ZC3H12B: variants seen among roughly 807,000 people sequenced by gnomAD.
ZC3H12B encodes zinc finger CCCH-type containing 12B.
In ZC3H12B, 7 loss-of-function variants were observed where a neutral mutation model predicts 43.9. The ratio of observed to expected loss-of-function variants is 0.16; its 90% CI spans 0.09 to 0.30. ZC3H12B has a LOEUF of 0.30. ZC3H12B is among the 10% of genes least tolerant of loss of function. The probability of loss-of-function intolerance (pLI) is 1.00; values close to 1 mark genes in which losing one functional copy is unlikely to be tolerated. For missense variants in ZC3H12B, 475 were observed against 670.2 expected, an observed-to-expected ratio of 0.71 and a Z score of 3.22; for synonymous variants, 222 against 241.7, an observed-to-expected ratio of 0.92 and a Z score of 0.76.
At chrX:65,244,756 A>G in the ZC3H12B span, among the ~76,000 whole-genome samples, 1 of 107,344 alleles carries the variant, frequency 9.3e-6, no homozygotes, top group Non-Finnish European at 1.9e-5. Context: ...AAAAAAGAAA[A>G]CGCAAATTGT....
chrX:65,374,642 T>A (rs895629912), intron 2 of ZC3H12B, among the ~76,000 whole-genome samples: 1 of 110,511 alleles, frequency 9.0e-6, no homozygotes, highest in Admixed American at 9.8e-5. Context: ...AAATAGGCAC[T>A]GTATTAGTCC....
the ZC3H12B span, among the ~76,000 whole-genome samples, chrX:65,160,259 G>A: frequency 8.9e-6 from 1 of 111,802 alleles, no homozygotes. Context: ...TTTGGTATCA[G>A]GATGATGCTG....
At chrX:65,049,606 A>T in the ZC3H12B span, among the ~76,000 whole-genome samples, 1 of 111,274 alleles carries the variant, frequency 9.0e-6, no homozygotes, top group Non-Finnish European at 1.9e-5. Context: ...TTGGAGTGTG[A>T]GGTCTCCAAC....
intron 2 of ZC3H12B, among the ~76,000 whole-genome samples, chrX:65,387,074 T>C (rs1173263042): frequency 8.9e-6 from 1 of 111,881 alleles, no homozygotes; most frequent in Non-Finnish European, 1.9e-5. Context: ...AACTATGTGG[T>C]CAATTTTGGA....
the ZC3H12B span, among the ~76,000 whole-genome samples, chrX:65,105,288 C>G: frequency 1.0e-4 from 11 of 110,488 alleles, no homozygotes; most frequent in Non-Finnish European, 1.5e-4. Flanking sequence ...GGCATTAGGA[C>G]AAATATCTAG....
At chrX:65,055,369 T>C in the ZC3H12B span, among the ~76,000 whole-genome samples, 1 of 112,088 alleles carries the variant, frequency 8.9e-6, no homozygotes, top group African/African-American at 3.2e-5. Context: ...ATTGGTTCTG[T>C]TTATATGCTG....
the ZC3H12B span, among the ~76,000 whole-genome samples, chrX:65,087,916 T>A: frequency 5.3e-5 from 6 of 112,467 alleles, no homozygotes; most frequent in South Asian, 2.2e-3. Context: ...TCAGTAATTT[T>A]TAAAAGCTGA....
the ZC3H12B span, among the ~76,000 whole-genome samples, chrX:65,170,844 C>T: frequency 2.7e-5 from 3 of 112,131 alleles, no homozygotes; most frequent in African/African-American, 9.7e-5. Flanking sequence ...GAAGCTTGTG[C>T]ATGCGTCACC....
At chrX:65,161,648 ATGTGTGTCTC>A in the ZC3H12B span, among the ~76,000 whole-genome samples, 1 of 111,234 alleles carries the variant, frequency 9.0e-6, no homozygotes, top group East Asian at 2.8e-4. Flanking sequence ...TTTTGAGTCT[ATGTGTGTCTC>A]TGTAAGTGAG....
the ZC3H12B span, among the ~76,000 whole-genome samples, chrX:65,172,703 T>G: frequency 8.9e-6 from 1 of 112,339 alleles, no homozygotes; most frequent in African/African-American, 3.2e-5. Context: ...ATTGTTTGTT[T>G]CTGTCAGGTT....
the ZC3H12B span, among the ~76,000 whole-genome samples, chrX:65,312,206 C>T: frequency 9.0e-6 from 1 of 111,360 alleles, no homozygotes; most frequent in Non-Finnish European, 1.9e-5. Flanking sequence ...GAAGAACAAC[C>T]AATATAGTAG....
the ZC3H12B span, among the ~76,000 whole-genome samples, chrX:65,170,326 G>C: frequency 9.0e-6 from 1 of 111,694 alleles, no homozygotes; most frequent in East Asian, 2.8e-4. Flanking sequence ...ATTCTGGGTT[G>C]AAAATTATTT....
chrX:65,162,993 C>A, the ZC3H12B span, among the ~76,000 whole-genome samples: 3 of 112,205 alleles, frequency 2.7e-5, no homozygotes. Context: ...ACAGACAAGA[C>A]CTTCAGCTGC....
At chrX:65,247,664 A>G in the ZC3H12B span, among the ~76,000 whole-genome samples, 1 of 112,337 alleles carries the variant, frequency 8.9e-6, no homozygotes, top group African/African-American at 3.2e-5. Context: ...GCATGTTCTC[A>G]CTTATAAGTG....
the ZC3H12B span, among the ~76,000 whole-genome samples, chrX:65,110,390 CT>C: frequency 0.015 from 1,416 of 96,056 alleles, 21 homozygotes; most frequent in African/African-American, 0.043. Context: ...TTTTCTTCTG[CT>C]TTTTTTTTTT....
At chrX:65,360,457 G>A in the ZC3H12B span, among the ~76,000 whole-genome samples, 4 of 112,229 alleles carry the variant, frequency 3.6e-5, no homozygotes, top group Non-Finnish European at 7.5e-5. Context: ...AAGAAGCTCA[G>A]TATCATTAGC....
intron 2 of ZC3H12B, among the ~76,000 whole-genome samples, chrX:65,382,956 A>G (rs2148012457): frequency 9.0e-6 from 1 of 111,103 alleles, no homozygotes; most frequent in Non-Finnish European, 1.9e-5. Context: ...ATAAAAGAGG[A>G]TACAAACAAA....
At chrX:65,189,433 T>G in the ZC3H12B span, among the ~76,000 whole-genome samples, 1 of 100,393 alleles carries the variant, frequency 1.0e-5, no homozygotes, top group Non-Finnish European at 2.0e-5. Context: ...AGTGTTCCTA[T>G]TTCTCCACAT....
the ZC3H12B span, among the ~76,000 whole-genome samples, chrX:65,221,809 A>G: frequency 9.0e-6 from 1 of 111,487 alleles, no homozygotes; most frequent in African/African-American, 3.3e-5. Flanking sequence ...ATTCCACAAG[A>G]TATAAAAAAA....
Sources: gnomAD v4.1 joint callset for allele counts (sites outside exome capture counted in the v4.1 genomes callset) on GRCh38, gnomAD v4.1.1 for gene constraint, MANE v1.5 for transcripts, NCBI Gene and HGNC (gene_info 2026-07-23, HGNC 2026-07-21) for gene names.